Variants in FGF13 observed in about 807,000 individuals in gnomAD.
The protein encoded by FGF13 is fibroblast growth factor 13.
In FGF13, 2 loss-of-function variants were observed where a neutral mutation model predicts 19.5. That is an observed-to-expected ratio of 0.10 (90% confidence interval 0.04 to 0.32). The LOEUF is 0.32. FGF13 is among the 10% of genes least tolerant of loss of function. The probability of loss-of-function intolerance (pLI) is 1.00; values close to 1 mark genes in which losing one functional copy is unlikely to be tolerated. For synonymous variants in FGF13, 72 were observed against 76.9 expected, an observed-to-expected ratio of 0.94 and a Z score of 0.33; for missense variants, 113 against 192.7, an observed-to-expected ratio of 0.59 and a Z score of 2.45.
chrX:139,130,275 C>G (rs1319215781), intron 1 of FGF13, among the ~76,000 whole-genome samples: 1 of 111,724 alleles, frequency 9.0e-6, no homozygotes, highest in Non-Finnish European at 1.9e-5. Context: ...AGGCATCTCT[C>G]CATTCATTTA....
At chrX:139,085,504 A>T (rs2083398089) in intron 1 of FGF13, among the ~76,000 whole-genome samples, 1 of 112,318 alleles carries the variant, frequency 8.9e-6, no homozygotes, top group Admixed American at 9.4e-5. Context: ...TGGGTATGCT[A>T]TGTAAAATAA....
At chrX:138,957,584 T>C (rs966196999) in intron 1 of FGF13, among the ~76,000 whole-genome samples, 1 of 111,497 alleles carries the variant, frequency 9.0e-6, no homozygotes, top group Non-Finnish European at 1.9e-5. Flanking sequence ...GGGGATGGCA[T>C]TGAATCTATA....
chrX:139,048,173 T>C (rs1314854389), intron 1 of FGF13, among the ~76,000 whole-genome samples: 1 of 111,352 alleles, frequency 9.0e-6, no homozygotes, highest in African/African-American at 3.3e-5. Context: ...CCTTTGTACA[T>C]GTTGTGAAGA....
chrX:139,093,574 C>G (rs2083452013), intron 1 of FGF13, among the ~76,000 whole-genome samples: 1 of 111,666 alleles, frequency 9.0e-6, no homozygotes. Flanking sequence ...ATCTATTATT[C>G]TGGATGTTAA....
chrX:139,065,647 A>C (rs952796760), intron 1 of FGF13, among the ~76,000 whole-genome samples: 6 of 111,013 alleles, frequency 5.4e-5, no homozygotes, highest in African/African-American at 2.0e-4. Context: ...ATATGCACCC[A>C]AAACGGGAGT....
chrX:138,974,857 C>T (rs761720324), intron 1 of FGF13, among the ~76,000 whole-genome samples: 1 of 112,328 alleles, frequency 8.9e-6, no homozygotes, highest in African/African-American at 3.2e-5. Context: ...GAATCATATG[C>T]GGTACCTGTT....
intron 3 of FGF13, among the ~76,000 whole-genome samples, chrX:138,689,011 T>C (rs1390435464): frequency 2.7e-5 from 3 of 111,647 alleles, no homozygotes; most frequent in African/African-American, 9.8e-5. Flanking sequence ...TATACTGTAT[T>C]TCTTACTACA....
At chrX:138,678,469 T>C (rs1050413399) in intron 3 of FGF13, among the ~76,000 whole-genome samples, 2 of 112,050 alleles carry the variant, frequency 1.8e-5, no homozygotes, top group Admixed American at 9.5e-5. Flanking sequence ...TCTTTCTTAT[T>C]GTAGTTTTAA....
intron 1 of FGF13, among the ~76,000 whole-genome samples, chrX:139,011,034 A>T (rs1010014395): frequency 9.0e-6 from 1 of 111,503 alleles, no homozygotes; most frequent in Non-Finnish European, 1.9e-5. Flanking sequence ...CCCTTTATGC[A>T]CATAAACTAT....
chrX:138,846,001 T>C (rs775891191), intron 3 of FGF13, among the ~76,000 whole-genome samples: 2 of 111,251 alleles, frequency 1.8e-5, no homozygotes, highest in East Asian at 5.7e-4. Context: ...ACAAATGTCC[T>C]CGCTGTATGA....
chrX:139,158,982 A>G (rs1239828817), intron 1 of FGF13, among the ~76,000 whole-genome samples: 1 of 111,803 alleles, frequency 8.9e-6, no homozygotes, highest in Non-Finnish European at 1.9e-5. Context: ...AGAGAACACC[A>G]TAAAGATACT....
intron 1 of FGF13, among the ~76,000 whole-genome samples, chrX:138,873,837 A>T (rs61272041): frequency 0.015 from 1,645 of 110,533 alleles, 41 homozygotes; most frequent in African/African-American, 0.051. Context: ...AAAAGGATGA[A>T]TTCACGTCCT....
intron 3 of FGF13, among the ~76,000 whole-genome samples, chrX:138,659,274 A>G (rs1332718300): frequency 8.9e-6 from 1 of 112,372 alleles, no homozygotes. Flanking sequence ...GCTGGAGTCC[A>G]GTCTGGACAA....
intron 3 of FGF13, among the ~76,000 whole-genome samples, chrX:138,678,398 G>C: frequency 8.9e-6 from 1 of 111,875 alleles, no homozygotes; most frequent in Non-Finnish European, 1.9e-5. Context: ...AAATAAAGTA[G>C]CATTCCAAAT....
At chrX:138,769,578 G>A (rs2090530146) in intron 3 of FGF13, among the ~76,000 whole-genome samples, 1 of 112,260 alleles carries the variant, frequency 8.9e-6, no homozygotes, top group Admixed American at 9.5e-5. Context: ...AGTGTCTGGT[G>A]TAAAGTTAGC....
At chrX:139,031,553 T>C (rs1046762737) in intron 1 of FGF13, among the ~76,000 whole-genome samples, 3 of 110,815 alleles carry the variant, frequency 2.7e-5, no homozygotes, top group Non-Finnish European at 5.7e-5. Context: ...AAACTGAGAC[T>C]CTGATAAATT....
chrX:138,903,826 T>C (rs927831297), intron 1 of FGF13, among the ~76,000 whole-genome samples: 2 of 111,836 alleles, frequency 1.8e-5, no homozygotes, highest in African/African-American at 3.3e-5. Flanking sequence ...TCCCCCAAAA[T>C]AGAGTATTCT....
At chrX:139,149,156 G>T (rs1486432014) in intron 1 of FGF13, among the ~76,000 whole-genome samples, 3 of 111,457 alleles carry the variant, frequency 2.7e-5, no homozygotes, top group African/African-American at 9.8e-5. Flanking sequence ...TTCCCTCCCT[G>T]TTTTTCTTCT....
chrX:139,202,312 G>T (rs534833788), intron 1 of FGF13, among the ~76,000 whole-genome samples: 3 of 111,920 alleles, frequency 2.7e-5, no homozygotes, highest in Admixed American at 9.4e-5. Context: ...AGATCAATCT[G>T]GTGCTACATT....
Sources: allele counts gnomAD v4.1 joint callset (sites outside exome capture counted in the v4.1 genomes callset), GRCh38; gene constraint gnomAD v4.1.1; transcripts MANE v1.5; gene names NCBI Gene and HGNC (gene_info 2026-07-23, HGNC 2026-07-21).